Variants in TIGD6 observed in about 807,000 individuals in gnomAD.
TIGD6 encodes the protein tigger transposable element derived 6, also known as tigger transposable element-derived protein 6.
TIGD6 carries 1 observed loss-of-function variant against 2.6 expected under a neutral mutation model. The ratio of observed to expected loss-of-function variants is 0.39; its 90% CI spans 0.14 to 1.85. TIGD6 has a LOEUF of 1.85. Among genes scored for constraint, TIGD6 ranks in the 40% most tolerant of loss-of-function variants. The pLI is 0.32. For missense variants in TIGD6, 601 were observed against 634.2 expected (o/e 0.95, Z 0.56); for synonymous variants, 193 against 221.9 (o/e 0.87, Z 1.16).
At chr5:149,996,738 C>T (rs922660555) in intron 1 of TIGD6, among the ~76,000 whole-genome samples, 6 of 152,240 alleles carry the variant, frequency 3.9e-5, no homozygotes, top group South Asian at 2.1e-4. Flanking sequence ...AATAGCATTG[C>T]ACTGTATACA....
intron 1 of TIGD6, chr5:149,999,740 C>T (rs1475296298): frequency 1.3e-5 from 2 of 152,196 alleles, no homozygotes; most frequent in Non-Finnish European, 2.9e-5. Context: ...ACAAAGCTAG[C>T]ACTCCAAACA....
At chr5:149,996,997 T>C (rs898542766) in intron 1 of TIGD6, among the ~76,000 whole-genome samples, 2 of 152,224 alleles carry the variant, frequency 1.3e-5, no homozygotes, top group Admixed American at 6.5e-5. Flanking sequence ...TGCCAAGCTT[T>C]AAGGGTAGAG....
intron 1 of TIGD6, 100 bp from the exon 2 acceptor site, chr5:149,996,529 G>A (rs1755395990): frequency 1.2e-6 from 1 of 832,188 alleles, no homozygotes; most frequent in Non-Finnish European, 1.8e-6. Context: ...ACAATTTACA[G>A]TCAAAGTAAA....
rs550334384 is a variant in TIGD6 at position 149,998,088 on chromosome 5, C to T, written c.-81-1659G>A. ...GAGGTTGCAGTGGGCCAAGATCACA[C>T]CACTGCACTCCAGCCTGGCGACAGA... On this transcript the variant is annotated intron_variant, in intron 1 of 1. Coordinates refer to ENST00000296736, the MANE Select transcript of TIGD6 (RefSeq NM_030953.4). Among the ~76,000 whole-genome samples, 97 of 152,312 alleles carry T rather than the reference C, an allele frequency of 6.4e-4. 1 individual carries two copies. The highest frequency in any genetic ancestry group is 1.2e-3 in the Admixed American group (18 of 15,288).
At chr5:149,997,616 T>C (rs181111770) in intron 1 of TIGD6, among the ~76,000 whole-genome samples, 29 of 151,820 alleles carry the variant, frequency 1.9e-4, no homozygotes, top group Non-Finnish European at 3.1e-4. Flanking sequence ...AACTGAAATA[T>C]TTGCATGAAT....
Position 149,994,662 on chromosome 5 carries a change from TG to T in TIGD6, c.*120del. On this transcript the variant is annotated 3_prime_UTR_variant, in exon 2 of 2. Transcript: ENST00000296736. ...TCAAATTCCATTCAAAGAAGTTTCC[TG>T]GCTATTTCAGAGTACTGGAATGTTG... 1.0e-6 allele frequency: 1 copy of T among 973,442 alleles called. No homozygotes were observed. The highest frequency in any genetic ancestry group is 1.4e-6 in the Non-Finnish European group (1 of 703,748). 60.3% of individuals were successfully genotyped at this position (973,442 alleles called of 1,614,324 possible). A position where few individuals can be genotyped will look rare whatever the true frequency, so the allele number is the denominator to read the frequency against.
Position 149,994,876 on chromosome 5 carries a change from A to G in TIGD6, c.1473T>C (p.Phe491=), listed in dbSNP as rs777722338. Residue 491 remains phenylalanine (F), a synonymous_variant, in exon 2 of 2, where the codon TTT becomes TTC. Transcript: ENST00000296736. Reference sequence around the variant, plus strand: ...ATTCATCTATGCCATTTAATTGTCCAAAAATGGCATCAGGAATGTCTACAC... The same window carrying G: ...ATTCATCTATGCCATTTAATTGTCCGAAAATGGCATCAGGAATGTCTACAC... ...STCVDIPDAI[F]GQLNGIDEYL... is the part of the protein sequence containing the mutation. 1.2e-6 allele frequency: 2 copies of G among 1,607,890 alleles called. No individual in the cohort carries two copies. Among genetic ancestry groups the G allele is most frequent in the Admixed American group, 3.4e-5 (2 of 59,572 alleles).
rs571581229 is a variant in TIGD6 at position 149,997,180 on chromosome 5, T to C, written c.-81-751A>G. On this transcript the variant is annotated intron_variant, in intron 1 of 1. Coordinates refer to ENST00000296736, the MANE Select transcript of TIGD6 (RefSeq NM_030953.4). ...ATTATACAAAGGGTGGTCAGGGATG[T>C]CCTCACTAAGATGGCACTGAAGCTG... 5.3e-5 allele frequency among the ~76,000 whole-genome samples: 8 copies of C among 152,316 alleles called. No homozygotes were observed. In the Middle Eastern group the frequency reaches 0.017, roughly 324 times the overall value.
intron 1 of TIGD6, among the ~76,000 whole-genome samples, chr5:149,998,715 A>G (rs541120080): frequency 6.6e-6 from 1 of 152,330 alleles, no homozygotes; most frequent in Non-Finnish European, 1.5e-5. Flanking sequence ...TCCCTTCTCA[A>G]GGGTAGATTT....
intron 1 of TIGD6, among the ~76,000 whole-genome samples, chr5:149,997,825 G>A (rs1475530373): frequency 6.6e-6 from 1 of 152,108 alleles, no homozygotes; most frequent in Non-Finnish European, 1.5e-5. Flanking sequence ...GCCGGGCGTG[G>A]TGGCGGGCGC....
In TIGD6 at chr5:149,995,748, T is replaced by C. The variant is rs1490292137; in HGVS notation, c.601A>G (p.Arg201Gly). 2.5e-6 allele frequency: 4 copies of C among 1,614,106 alleles called. No homozygotes were observed. In the East Asian group the frequency reaches 8.9e-5, roughly 36 times the overall value. ...CGCTGCTTTGCTTTCTTGCCCCCTC[T>C]ACAGTGGTCTCCTTTAGCAGCAAGT... ...HTLAAKGDHC[R>G]GGKKAKQRLT... Residue 201 changes from arginine (R) to glycine (G), a missense_variant, in exon 2 of 2, where the codon AGA becomes GGA. Arg to Gly is a moderately radical substitution (Grantham distance 125). Transcript: ENST00000296736.
At position 149,994,457 on chromosome 5, in the gene TIGD6, G is replaced by A. The variant is rs191395649; in HGVS notation, c.*326C>T. 2.4e-3 allele frequency: 401 copies of A among 169,564 alleles called. 1 individual carries two copies. Among genetic ancestry groups the A allele is most frequent in the Non-Finnish European group, 3.6e-3 (295 of 80,852 alleles). 10.5% of individuals were successfully genotyped at this position (169,564 alleles called of 1,614,324 possible). On this transcript the variant is annotated 3_prime_UTR_variant, in exon 2 of 2. Transcript: ENST00000296736. ...TCAAAACTACCAATGCCTGTGACCC[G>A]TCACCAAAGATTGTGATTTAATAGG... is the stretch of plus-strand genomic sequence containing the variant.
Position 149,995,825 on chromosome 5 carries a change from A to G in TIGD6, c.524T>C (p.Ile175Thr). Residue 175 changes from isoleucine to threonine, a missense_variant, in exon 2 of 2, where the codon ATC becomes ACC. Transcript: ENST00000296736. ...CACTCCTGTCTCATCAGCATTAAAG[A>G]TATCATCTGGGCTGTAGTCAGCAAT... ...KLIADYSPDD[I>T]FNADETGVFF... 3.7e-6 allele frequency: 6 copies of G among 1,614,176 alleles called. No individual in the cohort carries two copies. Among genetic ancestry groups the G allele is most frequent in the African/African-American group, 1.3e-5 (1 of 75,030 alleles).
At chr5:149,998,564 A>G (rs1755454159) in intron 1 of TIGD6, among the ~76,000 whole-genome samples, 1 of 152,306 alleles carries the variant, frequency 6.6e-6, no homozygotes, top group East Asian at 1.9e-4. Context: ...CAGAATTTAA[A>G]ACAAACAGTC....
rs780790625 is a variant in TIGD6, at chr5:149,996,069, T to C, written c.280A>G (p.Ile94Val). The C allele has an allele frequency of 6.2e-7, 1 of 1,613,862 alleles. No individual in the cohort carries two copies. Among genetic ancestry groups the C allele is most frequent in the Non-Finnish European group, 8.5e-7 (1 of 1,180,042 alleles). Residue 94 changes from isoleucine (I) to valine (V), a missense_variant, in exon 2 of 2, where the codon ATT (isoleucine) becomes GTT (valine). Transcript: ENST00000296736. Reference sequence around the variant, plus strand: ...CGAATGACAGAACCAGTCACAAGAATGTTTTTGGCATGGATTTCTTGAAAC... The same window carrying C: ...CGAATGACAGAACCAGTCACAAGAACGTTTTTGGCATGGATTTCTTGAAAC... ...AWFQEIHAKN[I>V]LVTGSVIRKK...
intron 1 of TIGD6, among the ~76,000 whole-genome samples, chr5:149,997,193 G>A (rs1290279203): frequency 6.6e-6 from 1 of 152,200 alleles, no homozygotes; most frequent in South Asian, 2.1e-4. Flanking sequence ...TCACTAAGAT[G>A]GCACTGAAGC....
At position 149,995,145 on chromosome 5, in the gene TIGD6, A is replaced by G. The variant is rs751791215; in HGVS notation, c.1204T>C (p.Trp402Arg). The G allele has an allele frequency of 6.2e-7, 1 of 1,614,274 alleles. No homozygotes were observed. Among genetic ancestry groups the G allele is most frequent in the South Asian group, 1.1e-5 (1 of 91,090 alleles). ...SEPDIAIEKL[W>R]HTVAIATCVP... ...CAGGTGGCAATAGCCACTGTGTGCC[A>G]CAACTTTTCAATGGCAATGTCTGGT... The change falls in exon 2 of 2, where the codon TGG (tryptophan) becomes CGG (arginine). Residue 402 changes from tryptophan to arginine, a missense_variant. Coordinates refer to ENST00000296736, the MANE Select transcript of TIGD6 (RefSeq NM_030953.4).
chr5:149,994,998 C>A lies in TIGD6; in HGVS notation c.1351G>T (p.Glu451Ter), dbSNP rs773167582. 1 of 1,613,958 alleles carries A rather than the reference C, an allele frequency of 6.2e-7. No homozygotes were observed. Among genetic ancestry groups the A allele is most frequent in the Non-Finnish European group, 8.5e-7 (1 of 1,179,832 alleles). ...AGENTSEAGS[E>*]DEGEVSLPEQ... ...GGTAAAGATACCTCCCCTTCATCTT[C>A]ACTTCCTGCTTCACTGGTATTTTCG... The change falls in exon 2 of 2, where the codon GAA becomes TAA. Residue 451 changes from glutamate (E) to a stop codon, truncating the protein, a stop_gained. Transcript: ENST00000296736. LOFTEE classifies it high-confidence loss of function.
At position 149,995,123 on chromosome 5, in the gene TIGD6, G is replaced by A. The variant is rs754093146; in HGVS notation, c.1226C>T (p.Thr409Ile). Residue 409 changes from threonine (T) to isoleucine (I), a missense_variant, in exon 2 of 2, where the codon ACC (threonine) becomes ATC (isoleucine). Coordinates refer to ENST00000296736, the MANE Select transcript of TIGD6 (RefSeq NM_030953.4). ...EKLWHTVAIA[T>I]CVPNEVNFQD... ...GAAATTTACTTCATTTGGGACACAGGTGGCAATAGCCACTGTGTGCCACAA... is the reference window on the plus strand; with the variant it reads ...GAAATTTACTTCATTTGGGACACAGATGGCAATAGCCACTGTGTGCCACAA... 2 of 1,614,214 alleles carry A rather than the reference G, an allele frequency of 1.2e-6. No individual in the cohort carries two copies. Among genetic ancestry groups the A allele is most frequent in the African/African-American group, 2.7e-5 (2 of 75,048 alleles).
Sources: gnomAD v4.1 joint callset for allele counts (sites outside exome capture counted in the v4.1 genomes callset) on GRCh38, gnomAD v4.1.1 for gene constraint, MANE v1.5 for transcripts, NCBI Gene and HGNC (gene_info 2026-07-23, HGNC 2026-07-21) for gene names.